CPNE4: variants seen among roughly 807,000 people sequenced by gnomAD.
CPNE4 encodes copine-4.
A neutral mutation model predicts 67.9 loss-of-function variants in CPNE4; 25 were observed. That is an observed-to-expected ratio of 0.37 (90% CI 0.27 to 0.51). CPNE4 has a LOEUF of 0.51. CPNE4 is among the 20% of genes least tolerant of loss of function. The pLI is 0.93. For synonymous variants in CPNE4, 242 were observed against 244.9 expected, an observed-to-expected ratio of 0.99 and a Z score of 0.11; for missense variants, 464 against 690.8, an observed-to-expected ratio of 0.67 and a Z score of 3.68.
chr3:131,973,913 T>C (rs1160444158), intron 1 of CPNE4, among the ~76,000 whole-genome samples: 2 of 152,220 alleles, frequency 1.3e-5, no homozygotes, highest in African/African-American at 2.4e-5. Context: ...ATAGAGCAGA[T>C]TGTCAAGCCA....
chr3:131,639,598 A>G (rs55643808), intron 7 of CPNE4, among the ~76,000 whole-genome samples: 16,092 of 152,048 alleles, frequency 0.11, 1,473 homozygotes, highest in African/African-American at 0.25. Flanking sequence ...ACTGGTACCA[A>G]TTCTATTGAC....
At chr3:131,792,672 C>CACACGTGTGTGTATATATGT (rs1560322350) in intron 2 of CPNE4, among the ~76,000 whole-genome samples, 1 of 32,856 alleles carries the variant, frequency 3.0e-5, no homozygotes, top group African/African-American at 9.9e-5. Context: ...TGTATATATA[C>CACACGTGTGTGTATATATGT]ATATATACAC....
chr3:131,579,607 G>C (rs879913970), intron 9 of CPNE4, among the ~76,000 whole-genome samples: 1 of 152,168 alleles, frequency 6.6e-6, no homozygotes, highest in African/African-American at 2.4e-5. Flanking sequence ...CATGGGAGGA[G>C]GTTGAAATAT....
At chr3:131,574,927 A>G (rs1937513062) in intron 10 of CPNE4, 144 bp downstream of exon 10, 1 of 659,162 alleles carries the variant, frequency 1.5e-6, no homozygotes, top group Admixed American at 2.4e-5. Context: ...AAAACACGAT[A>G]CCATACGCTT....
chr3:131,833,074 G>A (rs1435068068), intron 2 of CPNE4, among the ~76,000 whole-genome samples: 1 of 152,138 alleles, frequency 6.6e-6, no homozygotes, highest in Non-Finnish European at 1.5e-5. Context: ...ATAGCCACGT[G>A]AGGACATAGC....
At chr3:131,951,087 G>A (rs561496570) in intron 1 of CPNE4, among the ~76,000 whole-genome samples, 1 of 152,134 alleles carries the variant, frequency 6.6e-6, no homozygotes, top group South Asian at 2.1e-4. Context: ...AATTCTATTA[G>A]ATAATTTATT....
At chr3:131,638,476 T>C (rs1358521851) in intron 7 of CPNE4, among the ~76,000 whole-genome samples, 1 of 152,080 alleles carries the variant, frequency 6.6e-6, no homozygotes, top group African/African-American at 2.4e-5. Flanking sequence ...AATATCACAA[T>C]CCCAAATATA....
At chr3:131,820,224 G>A (rs577031253) in intron 2 of CPNE4, among the ~76,000 whole-genome samples, 28 of 152,356 alleles carry the variant, frequency 1.8e-4, no homozygotes, top group African/African-American at 6.7e-4. Flanking sequence ...ACTAACATCT[G>A]TGGGAGGAAA....
intron 2 of CPNE4, among the ~76,000 whole-genome samples, chr3:131,852,647 A>G (rs2086282424): frequency 6.6e-6 from 1 of 151,844 alleles, no homozygotes; most frequent in Non-Finnish European, 1.5e-5. Context: ...TCAATAGTGT[A>G]CTGCATGTTT....
At chr3:131,972,980 C>A (rs1184181854) in intron 1 of CPNE4, among the ~76,000 whole-genome samples, 1 of 152,144 alleles carries the variant, frequency 6.6e-6, no homozygotes, top group Non-Finnish European at 1.5e-5. Context: ...AGAATTGGAG[C>A]ATACAAAGGT....
intron 11 of CPNE4, among the ~76,000 whole-genome samples, chr3:131,559,133 A>C (rs1245452669): frequency 1.3e-5 from 2 of 152,040 alleles, no homozygotes; most frequent in Admixed American, 1.3e-4. Context: ...GGTAGTTGCC[A>C]AGTTTTGCTT....
intron 1 of CPNE4, among the ~76,000 whole-genome samples, chr3:132,019,902 A>G (rs2073957439): frequency 6.6e-6 from 1 of 152,174 alleles, no homozygotes; most frequent in African/African-American, 2.4e-5. Flanking sequence ...CGTGCCCACT[A>G]GCCCTACAGC....
At chr3:131,688,383 A>T (rs1436365388) in intron 5 of CPNE4, among the ~76,000 whole-genome samples, 1 of 152,054 alleles carries the variant, frequency 6.6e-6, no homozygotes, top group South Asian at 2.1e-4. Context: ...CTCTCCCCCA[A>T]AATGGCCCAT....
rs762921720 is a variant in CPNE4 at position 131,696,553 on chromosome 3, A to G, written c.496T>C (p.Leu166=). 3 of 1,613,924 alleles carry G rather than the reference A, an allele frequency of 1.9e-6. No individual in the cohort carries two copies. Among genetic ancestry groups the G allele is most frequent in the South Asian group, 1.1e-5 (1 of 91,072 alleles). Residue 166 remains leucine (L), a synonymous_variant, in exon 5 of 16, where the codon TTG becomes CTG. Transcript: ENST00000429747. ...GCCAAACGCTTTACCTTGTCATCCA[A>G]TTTCCGTGCATTGAATGCAAGCTCA... ...YVELAFNARK[L]DDKDFFSKSD...
At chr3:131,981,761 T>C (rs149625099) in intron 1 of CPNE4, among the ~76,000 whole-genome samples, 8 of 152,208 alleles carry the variant, frequency 5.3e-5, no homozygotes, top group Non-Finnish European at 1.0e-4. Flanking sequence ...AGGGCCTTTC[T>C]GCTGCTTCCT....
At chr3:131,681,455 T>TC (rs2080753278) in intron 6 of CPNE4, among the ~76,000 whole-genome samples, 1 of 152,316 alleles carries the variant, frequency 6.6e-6, no homozygotes, top group African/African-American at 2.4e-5. Flanking sequence ...TACACCACTC[T>TC]CCCCCGGTCT....
In CPNE4 at chr3:131,932,380, A is replaced by G. The variant is rs143224406; in HGVS notation, c.-1-26936T>C. Reference sequence around the variant, plus strand: ...TCAATCATCCAGTCAACATATATCAATTGAGGTCCTGCTTTATGTCATGTT... The same window carrying G: ...TCAATCATCCAGTCAACATATATCAGTTGAGGTCCTGCTTTATGTCATGTT... On this transcript the variant is annotated intron_variant, in intron 1 of 15. Transcript: ENST00000429747. 2.5e-3 allele frequency among the ~76,000 whole-genome samples: 381 copies of G among 152,174 alleles called. 2 individuals are homozygous for G. Among genetic ancestry groups the G allele is most frequent in the African/African-American group, 8.5e-3 (352 of 41,536 alleles).
intron 10 of CPNE4, among the ~76,000 whole-genome samples, chr3:131,573,055 T>C (rs543292181): frequency 3.7e-4 from 57 of 152,262 alleles, no homozygotes; most frequent in Non-Finnish European, 7.8e-4. Context: ...GAAAGCTGAC[T>C]TCATTTTGGA....
rs11915192 is a variant in CPNE4 at position 131,549,980 on chromosome 3, T to C, written c.1269A>G (p.Ser423=). ...CCTTGGTGTTAGTTTCCTCTGACGC[T>C]GACTTGGCAACCTTCTGGATGATGG... ...IAPIIQKVAK[S]ASEETNTKEA... is the part of the protein sequence containing the mutation. Residue 423 remains serine, a synonymous_variant, in exon 14 of 16, where the codon TCA becomes TCG. Coordinates refer to ENST00000429747, the MANE Select transcript of CPNE4 (RefSeq NM_130808.3). 0.14 allele frequency: 222,350 copies of C among 1,612,820 alleles called. 16,119 individuals carry two copies. The highest frequency in any genetic ancestry group is 0.22 in the African/African-American group (16,354 of 74,854).
Sources: allele counts gnomAD v4.1 joint callset (sites outside exome capture counted in the v4.1 genomes callset), GRCh38; gene constraint gnomAD v4.1.1; transcripts MANE v1.5; gene names NCBI Gene and HGNC (gene_info 2026-07-23, HGNC 2026-07-21).